LRRC36: variants seen among roughly 807,000 people sequenced by gnomAD.
LRRC36 encodes leucine rich repeat containing 36, also known as leucine-rich repeat-containing protein 36.
In LRRC36, 62 loss-of-function variants were observed where a neutral mutation model predicts 81.1. That is an observed-to-expected ratio of 0.76 (90% CI 0.62 to 0.94). The LOEUF is 0.94. LRRC36 is among the 40% of genes least tolerant of loss of function. LRRC36 has a pLI of 0.00. For synonymous variants in LRRC36, 334 were observed against 348.6 expected, an observed-to-expected ratio of 0.96 and a Z score of 0.47; for missense variants, 761 against 881.7, an observed-to-expected ratio of 0.86 and a Z score of 1.73.
intron 5 of LRRC36, among the ~76,000 whole-genome samples, chr16:67,360,508 T>C (rs9921926): frequency 0.21 from 32,073 of 152,174 alleles, 7,139 homozygotes; most frequent in African/African-American, 0.56. Context: ...CATTCTCATT[T>C]GCACAAAAGC....
chr16:67,361,231 T>C (rs1005755699), intron 5 of LRRC36, among the ~76,000 whole-genome samples: 7 of 152,052 alleles, frequency 4.6e-5, no homozygotes, highest in Non-Finnish European at 8.8e-5. Context: ...GGGGTCTCAC[T>C]ATGTTGCCCA....
intron 1 of LRRC36, among the ~76,000 whole-genome samples, chr16:67,339,717 C>T (rs975731715): frequency 6.6e-6 from 1 of 152,174 alleles, no homozygotes; most frequent in Non-Finnish European, 1.5e-5. Flanking sequence ...TGCTTCCCTC[C>T]CCTATTCATA....
intron 1 of LRRC36, among the ~76,000 whole-genome samples, chr16:67,327,253 C>T (rs554228660): frequency 6.6e-6 from 1 of 152,222 alleles, no homozygotes; most frequent in Non-Finnish European, 1.5e-5. Context: ...TGGCTGACCG[C>T]TGTAATCCCA....
At chr16:67,329,578 T>C (rs1352425416) in intron 1 of LRRC36, among the ~76,000 whole-genome samples, 1 of 152,010 alleles carries the variant, frequency 6.6e-6, no homozygotes, top group Non-Finnish European at 1.5e-5. Flanking sequence ...TCATGAAATA[T>C]CTAACTAGTG....
At chr16:67,333,689 A>G (rs2037611084) in intron 1 of LRRC36, among the ~76,000 whole-genome samples, 1 of 151,996 alleles carries the variant, frequency 6.6e-6, no homozygotes, top group African/African-American at 2.4e-5. Flanking sequence ...TTAGCATAGT[A>G]TTTTCATTAT....
chr16:67,363,696 C>G lies in LRRC36; in HGVS notation c.684C>G (p.Thr228=), dbSNP rs1348255735. 6.2e-7 allele frequency: 1 copy of G among 1,613,878 alleles called. No individual in the cohort carries two copies. ...GNGTRDQKLD[T]FPLGTQTQEV... ...GTACACGTGATCAGAAATTAGACACCTTCCCACTGGGGACACAGGTAATGT... is the reference window on the plus strand; with the variant it reads ...GTACACGTGATCAGAAATTAGACACGTTCCCACTGGGGACACAGGTAATGT... The change falls in exon 6 of 14, where the codon ACC becomes ACG. Residue 228 remains threonine, a synonymous_variant. Transcript: ENST00000329956.
chr16:67,355,564 C>T (rs1360523645), intron 5 of LRRC36, among the ~76,000 whole-genome samples: 273 of 145,520 alleles, frequency 1.9e-3, no homozygotes, highest in Admixed American at 2.3e-3. Context: ...TTAGTAGAGA[C>T]GGGGTTTCAC....
In LRRC36 at chr16:67,376,795, C is replaced by T; in HGVS notation, c.1729C>T (p.Pro577Ser). ...APSQPRCCSH[P>S]EDTMKAFCRR... The stretch of plus-strand genomic sequence containing the variant: ...TTCTCAGCCGAGGTGTTGCTCACAT[C>T]CTGAAGACACGATGAAAGCATTCTG... The change falls in exon 11 of 14, where the codon CCT (proline) becomes TCT (serine). Residue 577 changes from proline (P) to serine (S), a missense_variant. Pro to Ser is a moderately conservative substitution (Grantham distance 74). Around this residue, in one of 3 missense-constraint regions of LRRC36, gnomAD observed 359 missense variants for 388.4 expected, o/e 0.92. Coordinates refer to ENST00000329956, the MANE Select transcript of LRRC36 (RefSeq NM_018296.6). The T allele has an allele frequency of 6.2e-7, 1 of 1,613,998 alleles. No homozygotes were observed. The highest frequency in any genetic ancestry group is 1.1e-5 in the South Asian group (1 of 91,066).
intron 3 of LRRC36, 60 bp from the exon 4 acceptor site, chr16:67,347,435 C>G: frequency 6.2e-7 from 1 of 1,603,998 alleles, no homozygotes; most frequent in African/African-American, 1.3e-5. Context: ...TTCTGATTAA[C>G]TACTAGTTAT....
chr16:67,347,342 A>G, intron 3 of LRRC36, 153 bp from the exon 4 acceptor site: 1 of 1,423,950 alleles, frequency 7.0e-7, no homozygotes, highest in Non-Finnish European at 9.3e-7. Context: ...TGCTCCAGTG[A>G]CAACATAATA....
intron 7 of LRRC36, 62 bp from the exon 8 acceptor site, chr16:67,366,955 C>A (rs1473136821): frequency 1.5e-6 from 2 of 1,336,608 alleles, no homozygotes; most frequent in Non-Finnish European, 2.1e-6. Flanking sequence ...AACAGAGGTA[C>A]TCCCAGCTAG....
At chr16:67,334,086 A>G (rs1329940974) in intron 1 of LRRC36, among the ~76,000 whole-genome samples, 5 of 151,948 alleles carry the variant, frequency 3.3e-5, no homozygotes, top group Non-Finnish European at 7.4e-5. Context: ...GCTGGAGTGC[A>G]GTGGCGTGGA....
intron 1 of LRRC36, among the ~76,000 whole-genome samples, chr16:67,335,876 G>A (rs1310800565): frequency 3.3e-5 from 5 of 152,120 alleles, no homozygotes; most frequent in African/African-American, 1.2e-4. Context: ...GGGATTACGG[G>A]CATGTGCCAC....
At chr16:67,343,239 C>G (rs78022304) in intron 2 of LRRC36, among the ~76,000 whole-genome samples, 1 of 152,054 alleles carries the variant, frequency 6.6e-6, no homozygotes, top group African/African-American at 2.4e-5. Flanking sequence ...TCTTTCACTT[C>G]GGTAAACTGG....
In LRRC36 at chr16:67,352,034, A is replaced by C. The variant is rs577982482; in HGVS notation, c.577+1744A>C. ...GAAAAATACATTGAAGCATAATTTG[A>C]CAACCTGTTTTTGTATAAGCTGAAT... On this transcript the variant is annotated intron_variant, in intron 5 of 13. Coordinates refer to ENST00000329956, the MANE Select transcript of LRRC36 (RefSeq NM_018296.6). Among the ~76,000 whole-genome samples the C allele has an allele frequency of 5.1e-4, 77 of 152,290 alleles. No individual in the cohort carries two copies. The South Asian group carries it at 5.8e-3, about 11-fold the overall frequency.
chr16:67,342,557 G>T (rs1027008473), intron 2 of LRRC36, among the ~76,000 whole-genome samples: 1 of 152,098 alleles, frequency 6.6e-6, no homozygotes, highest in African/African-American at 2.4e-5. Flanking sequence ...GTGTGGTCTT[G>T]GGAAAATTTA....
At position 67,341,011 on chromosome 16, in the gene LRRC36, T is replaced by TTATATATAGAATATA. The variant is rs1567470209; in HGVS notation, c.71-946_71-945insTATATATAGAATATA. 6.8e-4 allele frequency among the ~76,000 whole-genome samples: 59 copies of TTATATATAGAATATA among 87,206 alleles called. 4 individuals carry two copies. Among genetic ancestry groups the TTATATATAGAATATA allele is most frequent in the African/African-American group, 6.5e-3 (57 of 8,754 alleles). The allele number at this position is 87,206 out of a possible 152,430, so 57.2% of individuals were successfully genotyped here. A position where few individuals can be genotyped will look rare whatever the true frequency, so the allele number is the denominator to read the frequency against. ...TGTATATTATATATAGAATATGTATTCTATAGAATATGTACTCTACATATT... is the reference window on the plus strand; with the variant it reads ...TGTATATTATATATAGAATATGTATTTATATATAGAATATACTATAGAATATGTACTCTACATATT... On this transcript the variant is annotated intron_variant, in intron 1 of 13. Coordinates refer to ENST00000329956, the MANE Select transcript of LRRC36 (RefSeq NM_018296.6).
chr16:67,379,515 A>C (rs1202625459), intron 12 of LRRC36, among the ~76,000 whole-genome samples: 2 of 152,114 alleles, frequency 1.3e-5, no homozygotes, highest in Non-Finnish European at 2.9e-5. Context: ...TCAGGAGTTC[A>C]AGACCAGCCT....
chr16:67,342,021 C>A lies in LRRC36; in HGVS notation c.135C>A (p.Ala45=). 2.5e-6 allele frequency: 4 copies of A among 1,609,542 alleles called. No individual in the cohort carries two copies. Among genetic ancestry groups the A allele is most frequent in the Non-Finnish European group, 3.4e-6 (4 of 1,176,704 alleles). ...YAGKIHSIGD[A]FRNFKNLRSL... ...GCAAAATCCATTCCATTGGTGATGCCTTCAGAAATTTTAAAAATCTCCGAT... is the reference window on the plus strand; with the variant it reads ...GCAAAATCCATTCCATTGGTGATGCATTCAGAAATTTTAAAAATCTCCGAT... The change falls in exon 2 of 14, where the codon GCC becomes GCA. Residue 45 remains alanine (A), a synonymous_variant. Transcript: ENST00000329956.
Sources: allele counts gnomAD v4.1 joint callset (sites outside exome capture counted in the v4.1 genomes callset), GRCh38; gene constraint gnomAD v4.1.1; regional missense constraint gnomAD v4.1.1; transcripts MANE v1.5; gene names NCBI Gene and HGNC (gene_info 2026-07-23, HGNC 2026-07-21).